Variants in ZBTB44 observed in about 807,000 individuals in gnomAD.
The protein encoded by ZBTB44 is zinc finger and BTB domain-containing protein 44.
ZBTB44 carries 15 observed loss-of-function variants against 54.0 expected under a neutral mutation model. The ratio of observed to expected loss-of-function variants is 0.28; its 90% CI spans 0.19 to 0.43. The LOEUF (loss-of-function observed/expected upper bound fraction) is 0.43, where lower values mean the gene tolerates loss of function less well. Among genes scored for constraint, ZBTB44 ranks in the 20% least tolerant of loss-of-function variants. The pLI, the probability that ZBTB44 is intolerant of heterozygous loss-of-function variation, is 1.00. For missense variants in ZBTB44, 487 were observed against 707.1 expected (o/e 0.69, Z 3.53); for synonymous variants, 230 against 250.1 (o/e 0.92, Z 0.76).
At chr11:130,255,719 A>T (rs1365390199) in intron 2 of ZBTB44, among the ~76,000 whole-genome samples, 1 of 152,160 alleles carries the variant, frequency 6.6e-6, no homozygotes, top group African/African-American at 2.4e-5. Context: ...AAGGGATGTC[A>T]TTATTGATCC....
intron 1 of ZBTB44, among the ~76,000 whole-genome samples, chr11:130,306,614 C>T (rs915968808): frequency 8.5e-5 from 13 of 152,196 alleles, no homozygotes; most frequent in Admixed American, 3.3e-4. Context: ...TGTACACACA[C>T]TTACAGCAGC....
At chr11:130,282,767 A>T (rs1940623112) in intron 1 of ZBTB44, among the ~76,000 whole-genome samples, 1 of 152,170 alleles carries the variant, frequency 6.6e-6, no homozygotes, top group African/African-American at 2.4e-5. Context: ...CCACGTTGGC[A>T]ATTATCACCT....
At chr11:130,282,454 G>GTAC (rs2084108603) in intron 1 of ZBTB44, among the ~76,000 whole-genome samples, 1 of 152,182 alleles carries the variant, frequency 6.6e-6, no homozygotes, top group Admixed American at 6.5e-5. Context: ...CTTCCACAAT[G>GTAC]TACTACTGTG....
chr11:130,233,005 T>A lies in ZBTB44; in HGVS notation c.*48+303A>T, dbSNP rs1262914408. 37 of 244,666 alleles carry A rather than the reference T, an allele frequency of 1.5e-4. No homozygotes were observed. The Middle Eastern group carries it at 3.8e-3, about 25-fold the overall frequency. The allele number at this position is 244,666 out of a possible 1,614,324, so 15.2% of individuals were successfully genotyped here. A position where few individuals can be genotyped will look rare whatever the true frequency, so the allele number is the denominator to read the frequency against. ...GCAACAGAGTGAGATGCCATTCTTT[T>A]AAAAAAAAAGAAAAAAAAAAAGAAT... On this transcript the variant is annotated intron_variant, in intron 7 of 7. Transcript: ENST00000357899.
At chr11:130,296,809 G>T (rs1225012574) in intron 1 of ZBTB44, 2 of 751,614 alleles carry the variant, frequency 2.7e-6, no homozygotes, top group African/African-American at 3.4e-5. Context: ...TACATATGAG[G>T]TTATGATTCC....
chr11:130,299,980 A>C (rs1166084717), intron 1 of ZBTB44, among the ~76,000 whole-genome samples: 3 of 152,266 alleles, frequency 2.0e-5, no homozygotes, highest in Non-Finnish European at 4.4e-5. Context: ...TTCAGCCTTA[A>C]AAAGGAAGGA....
chr11:130,288,517 A>T (rs901092579), intron 1 of ZBTB44, among the ~76,000 whole-genome samples: 1 of 152,230 alleles, frequency 6.6e-6, no homozygotes, highest in Admixed American at 6.5e-5. Context: ...AGACTGTTTT[A>T]ATCTCACGTA....
chr11:130,311,322 C>T (rs1313791028), intron 1 of ZBTB44, among the ~76,000 whole-genome samples: 3 of 152,134 alleles, frequency 2.0e-5, no homozygotes, highest in African/African-American at 4.8e-5. Flanking sequence ...GATCCACCTG[C>T]TTCAGCCTCC....
chr11:130,258,297 A>G (rs530514558), intron 2 of ZBTB44, among the ~76,000 whole-genome samples: 87 of 152,316 alleles, frequency 5.7e-4, no homozygotes, highest in Non-Finnish European at 1.1e-3. Context: ...TTCAATATAC[A>G]TATTCAGTAT....
intron 2 of ZBTB44, among the ~76,000 whole-genome samples, chr11:130,257,291 G>A (rs1340789717): frequency 6.7e-6 from 1 of 150,232 alleles, no homozygotes; most frequent in Non-Finnish European, 1.5e-5. Flanking sequence ...TGCTACCAAT[G>A]TATGTGACCT....
chr11:130,313,924 A>ATG (rs909767246), intron 1 of ZBTB44, among the ~76,000 whole-genome samples: 5 of 86,322 alleles, frequency 5.8e-5, no homozygotes, highest in African/African-American at 1.1e-4. Flanking sequence ...GTGTGTGTGT[A>ATG]TGTGTGTGTG....
At position 130,284,487 on chromosome 11, in the gene ZBTB44, G is replaced by A. The variant is rs532896821; in HGVS notation, c.-56-22558C>T. 1.8e-4 allele frequency among the ~76,000 whole-genome samples: 27 copies of A among 152,280 alleles called. No individual in the cohort carries two copies. The South Asian group carries it at 3.5e-3, about 20-fold the overall frequency. On this transcript the variant is annotated intron_variant, in intron 1 of 7. Coordinates refer to ENST00000357899, the MANE Select transcript of ZBTB44 (RefSeq NM_001301098.2). ...CAGTTACTTAATGTCAGTTATTAAC[G>A]TCAGAGCTAGGGATGTCAGTTACTT...
chr11:130,282,874 C>T (rs955359166), intron 1 of ZBTB44, among the ~76,000 whole-genome samples: 28 of 152,040 alleles, frequency 1.8e-4, no homozygotes, highest in African/African-American at 6.0e-4. Context: ...GATGGGGTCT[C>T]GCTATGCTAC....
intron 2 of ZBTB44, among the ~76,000 whole-genome samples, chr11:130,240,994 G>A (rs758048099): frequency 2.0e-5 from 3 of 152,264 alleles, no homozygotes; most frequent in East Asian, 1.9e-4. Flanking sequence ...TATATAAACC[G>A]GGTCATACTA....
At chr11:130,256,677 TTAAAAA>T (rs1938470351) in intron 2 of ZBTB44, among the ~76,000 whole-genome samples, 1 of 143,762 alleles carries the variant, frequency 7.0e-6, no homozygotes, top group African/African-American at 2.8e-5. Flanking sequence ...TAAATAAAAA[TTAAAAA>T]TAAAAATTCA....
intron 1 of ZBTB44, chr11:130,296,483 T>C (rs148205633): frequency 2.2e-5 from 23 of 1,040,858 alleles, no homozygotes; most frequent in Admixed American, 8.8e-5. Context: ...TGGGAACACA[T>C]TGTGTACGGA....
At position 130,274,079 on chromosome 11, in the gene ZBTB44, T is replaced by C. The variant is rs920462131; in HGVS notation, c.-56-12150A>G. Among the ~76,000 whole-genome samples the C allele has an allele frequency of 2.6e-5, 4 of 151,882 alleles. No individual in the cohort carries two copies. The South Asian group carries it at 6.2e-4, about 24-fold the overall frequency. On this transcript the variant is annotated intron_variant, in intron 1 of 7. Transcript: ENST00000357899. ...CTCCAATCTGAGTGACAGAGCAAGA[T>C]TGTCTCAAATAAAAAAAAAAAAGTT...
At position 130,261,511 on chromosome 11, in the gene ZBTB44, T is replaced by G; in HGVS notation, c.363A>C (p.Ser121=). The G allele has an allele frequency of 6.2e-7, 1 of 1,614,054 alleles. No individual in the cohort carries two copies. The highest frequency in any genetic ancestry group is 1.1e-5 in the South Asian group (1 of 91,086). ...MQMFSVASTC[S]EFMKSSILWN... ...ATAAAATGCTTGATTTCATGAACTCTGAGCAGGTGCTGGCAACACTGAACA... is the reference window on the plus strand; with the variant it reads ...ATAAAATGCTTGATTTCATGAACTCGGAGCAGGTGCTGGCAACACTGAACA... Residue 121 remains serine (S), a synonymous_variant, in exon 2 of 8, where the codon TCA becomes TCC. Transcript: ENST00000357899. The surrounding 1 kb of genome is among the most constrained non-coding windows in gnomAD (Gnocchi z 4.8).
intron 1 of ZBTB44, chr11:130,296,893 T>A: frequency 4.1e-6 from 3 of 729,890 alleles, no homozygotes; most frequent in Non-Finnish European, 7.6e-6. Context: ...GATTTCAAAG[T>A]GCCTGCCTTT....
Sources: allele counts gnomAD v4.1 joint callset (sites outside exome capture counted in the v4.1 genomes callset), GRCh38; gene constraint gnomAD v4.1.1; non-coding constraint Gnocchi (gnomAD v3.1); transcripts MANE v1.5; gene names NCBI Gene and HGNC (gene_info 2026-07-23, HGNC 2026-07-21).